DNAH1: variants seen among roughly 807,000 people sequenced by gnomAD.
The protein encoded by DNAH1 is axonemal beta dynein heavy chain 1.
In DNAH1, 327 loss-of-function variants were observed where a neutral mutation model predicts 484.3. The observed-to-expected ratio is 0.68, with a 90% confidence interval of 0.62 to 0.74. The LOEUF (loss-of-function observed/expected upper bound fraction) is 0.74, where lower values mean the gene tolerates loss of function less well. DNAH1 is among the 30% of genes least tolerant of loss of function. The probability of loss-of-function intolerance (pLI) is 0.00; values close to 1 mark genes in which losing one functional copy is unlikely to be tolerated. For synonymous variants in DNAH1, 2,192 were observed against 2,191.9 expected, an observed-to-expected ratio of 1.00 and a Z score of 0.00; for missense variants, 5,052 against 5,546.8, an observed-to-expected ratio of 0.91 and a Z score of 2.83.
chr3:52,377,687 C>T (rs533719842), intron 46 of DNAH1, among the ~76,000 whole-genome samples: 1 of 152,234 alleles, frequency 6.6e-6, no homozygotes, highest in East Asian at 1.9e-4. Flanking sequence ...TTTGCCCTTG[C>T]TGTCCCCTCT....
chr3:52,354,353 G>A (rs568595656), intron 20 of DNAH1, among the ~76,000 whole-genome samples: 1 of 152,312 alleles, frequency 6.6e-6, no homozygotes, highest in African/African-American at 2.4e-5. Flanking sequence ...AGTGAACTGG[G>A]CTGAACACAG....
chr3:52,368,994 T>C lies in DNAH1; in HGVS notation c.5943+76T>C. ...GGAGGCTGCATCATGCTGGCCAAACTCTGCCCCCTCACCCCTTTCTCTCAG... is the reference window on the plus strand; with the variant it reads ...GGAGGCTGCATCATGCTGGCCAAACCCTGCCCCCTCACCCCTTTCTCTCAG... On this transcript the variant is annotated intron_variant, in intron 37 of 77. Coordinates refer to ENST00000420323, the MANE Select transcript of DNAH1 (RefSeq NM_015512.5). This position sits in a 1 kb window ranked among gnomAD's most constrained non-coding sequence, Gnocchi z 4.4. 6.5e-7 allele frequency: 1 copy of C among 1,530,898 alleles called. No homozygotes were observed. The highest frequency in any genetic ancestry group is 9.0e-7 in the Non-Finnish European group (1 of 1,116,318). The allele number at this position is 1,530,898 out of a possible 1,614,324, so 94.8% of individuals were successfully genotyped here. A position where few individuals can be genotyped will look rare whatever the true frequency, so the allele number is the denominator to read the frequency against.
chr3:52,341,714 A>G (rs999019410), intron 8 of DNAH1, among the ~76,000 whole-genome samples: 3 of 151,932 alleles, frequency 2.0e-5, no homozygotes, highest in Non-Finnish European at 4.4e-5. Flanking sequence ...CTCCACCACG[A>G]CTGGCTTGGA....
chr3:52,333,126 A>G (rs1055602543), intron 8 of DNAH1, among the ~76,000 whole-genome samples: 1 of 152,080 alleles, frequency 6.6e-6, no homozygotes, highest in African/African-American at 2.4e-5. Context: ...GCTCAAGTAA[A>G]TCTCCCACCT....
chr3:52,369,853 A>G lies in DNAH1; in HGVS notation c.5972A>G (p.Asp1991Gly). Residue 1991 changes from aspartate to glycine, a missense_variant, in exon 38 of 78, where the codon GAC (aspartate) becomes GGC (glycine). Asp to Gly is a moderately conservative substitution (Grantham distance 94). This residue lies in a region of DNAH1 where 2,929 missense variants were observed against 3,409.4 expected (regional missense o/e 0.86). Coordinates refer to ENST00000420323, the MANE Select transcript of DNAH1 (RefSeq NM_015512.5). ...ATGACCATGATGTTCGAGGTGCAAG[A>G]CCTGGCGGTGGCTTCACCAGCTACA... ...EAMTMMFEVQ[D>G]LAVASPATVS... 6.2e-7 allele frequency: 1 copy of G among 1,612,394 alleles called. No individual in the cohort carries two copies. Among genetic ancestry groups the G allele is most frequent in the Non-Finnish European group, 8.5e-7 (1 of 1,178,750 alleles).
Position 52,388,380 on chromosome 3 carries a change from G to T in DNAH1, c.9172-38G>T. 2.0e-5 allele frequency: 32 copies of T among 1,601,968 alleles called. 1 individual carries two copies. The highest frequency in any genetic ancestry group is 2.6e-5 in the Non-Finnish European group (30 of 1,173,828). On this transcript the variant is annotated intron_variant, in intron 57 of 77. Coordinates refer to ENST00000420323, the MANE Select transcript of DNAH1 (RefSeq NM_015512.5). ...GTGGGGGAGGGCTCCCCTCCCGGGG[G>T]TACTTGGCGAGCTAATCCTGCGCCC...
intron 48 of DNAH1, among the ~76,000 whole-genome samples, chr3:52,380,861 G>A (rs914321229): frequency 3.3e-5 from 5 of 152,222 alleles, no homozygotes; most frequent in Non-Finnish European, 1.5e-5. Flanking sequence ...GATTGGGCTG[G>A]TTGAGATTCC....
rs750047092 is a variant in DNAH1, at chr3:52,356,714, A to G, written c.3794A>G (p.Lys1265Arg). ...AACCAGCAGCTGCCTGTGGAGAGCAAGCGCTACCAGACCATGGAGCGGATC... is the reference window on the plus strand; with the variant it reads ...AACCAGCAGCTGCCTGTGGAGAGCAGGCGCTACCAGACCATGGAGCGGATC... ...DINQQLPVES[K>R]RYQTMERIWK... The change falls in exon 22 of 78, where the codon AAG (lysine) becomes AGG (arginine). Residue 1265 changes from lysine (K) to arginine (R), a missense_variant. Physicochemically the swap from Lys to Arg is conservative, Grantham distance 26. This residue lies in a region of DNAH1 where 2,929 missense variants were observed against 3,409.4 expected (regional missense o/e 0.86). Transcript: ENST00000420323. The G allele has an allele frequency of 1.9e-6, 3 of 1,613,884 alleles. No homozygotes were observed. The highest frequency in any genetic ancestry group is 2.5e-6 in the Non-Finnish European group (3 of 1,179,860).
At chr3:52,332,054 GC>G in intron 7 of DNAH1, 87 bp from the exon 8 acceptor site, 1 of 1,470,480 alleles carries the variant, frequency 6.8e-7, no homozygotes, top group Non-Finnish European at 9.1e-7. Flanking sequence ...GGGCCACTGG[GC>G]ATCCACGGCA....
In DNAH1 at chr3:52,361,129, G is replaced by A; in HGVS notation, c.4686-35G>A. 1 of 1,497,586 alleles carries A rather than the reference G, an allele frequency of 6.7e-7. No homozygotes were observed. 92.8% of individuals were successfully genotyped at this position (1,497,586 alleles called of 1,614,324 possible). A position where few individuals can be genotyped will look rare whatever the true frequency, so the allele number is the denominator to read the frequency against. On this transcript the variant is annotated intron_variant, in intron 28 of 77. Coordinates refer to ENST00000420323, the MANE Select transcript of DNAH1 (RefSeq NM_015512.5). This position sits in a 1 kb window ranked among gnomAD's most constrained non-coding sequence, Gnocchi z 5.6. Reference sequence around the variant, plus strand: ...AGGAAAGGGGGAGTGTCCAGGCCATGTGCGGCCCGAGCCCACCTCCTCTGT... The same window carrying A: ...AGGAAAGGGGGAGTGTCCAGGCCATATGCGGCCCGAGCCCACCTCCTCTGT...
At chr3:52,378,817 C>T in intron 47 of DNAH1, 37 bp downstream of exon 47, 1 of 1,610,582 alleles carries the variant, frequency 6.2e-7, no homozygotes, top group Non-Finnish European at 8.5e-7. Flanking sequence ...AGTGCCCACA[C>T]TGCTCTCCGC....
rs1022409358 is a variant in DNAH1, at chr3:52,355,123, C to G, written c.3693+68C>G. The G allele has an allele frequency of 8.0e-6, 12 of 1,492,624 alleles. No individual in the cohort carries two copies. Among genetic ancestry groups the G allele is most frequent in the Non-Finnish European group, 1.1e-5 (12 of 1,081,200 alleles). 92.5% of individuals were successfully genotyped at this position (1,492,624 alleles called of 1,614,324 possible). ...CAGAGAGCCCGACCCACAGGTGTCA[C>G]TGATGGTCTCCGGGTGGGGTTCAAA... On this transcript the variant is annotated intron_variant, in intron 21 of 77. Coordinates refer to ENST00000420323, the MANE Select transcript of DNAH1 (RefSeq NM_015512.5). The surrounding 1 kb of genome is among the most constrained non-coding windows in gnomAD (Gnocchi z 4.5).
In DNAH1 at chr3:52,388,401, C is replaced by T. The variant is rs768021282; in HGVS notation, c.9172-17C>T. ...GGGGGTACTTGGCGAGCTAATCCTGCGCCCTCCGCCCCACAGCAAGCCCTG... is the reference window on the plus strand; with the variant it reads ...GGGGGTACTTGGCGAGCTAATCCTGTGCCCTCCGCCCCACAGCAAGCCCTG... On this transcript the variant is annotated splice_polypyrimidine_tract_variant and intron_variant, in intron 57 of 77. Transcript: ENST00000420323. 13 of 1,605,906 alleles carry T rather than the reference C, an allele frequency of 8.1e-6. No individual in the cohort carries two copies. The East Asian group carries it at 1.3e-4, about 17-fold the overall frequency.
At chr3:52,398,776 C>T in intron 75 of DNAH1, 74 bp from the exon 76 acceptor site, 2 of 1,287,576 alleles carry the variant, frequency 1.6e-6, no homozygotes, top group Non-Finnish European at 1.0e-6. Context: ...CACTCTGTGG[C>T]CTTGAGCTGC....
chr3:52,357,923 C>T lies in DNAH1; in HGVS notation c.4006C>T (p.Leu1336=), dbSNP rs539657571. The change falls in exon 24 of 78, where the codon CTA becomes TTA. Residue 1336 remains leucine (L), a synonymous_variant. Transcript: ENST00000420323. The part of the protein sequence containing the change: ...PRFYFLSDDE[L]LEILSQTKDP... ...ATTCTACTTCCTGTCAGATGATGAACTACTAGAGATCTTGTCGCAGACAAA... is the reference window on the plus strand; with the variant it reads ...ATTCTACTTCCTGTCAGATGATGAATTACTAGAGATCTTGTCGCAGACAAA... The T allele has an allele frequency of 1.4e-5, 23 of 1,613,142 alleles. No homozygotes were observed. The highest frequency in any genetic ancestry group is 1.9e-5 in the Non-Finnish European group (22 of 1,179,722).
At chr3:52,312,307 C>T (rs147609706), upstream of DNAH1, among the ~76,000 whole-genome samples, 380 of 152,088 alleles carry the variant, frequency 2.5e-3, 1 homozygote, top group Non-Finnish European at 4.1e-3. Context: ...AGAGAACAGA[C>T]GGGGGTATCT....
Position 52,391,434 on chromosome 3 carries a change from C to T in DNAH1, c.9892-9C>T. ...AGGCCACAGTACCCACCGGTCCCAC[C>T]CACCACAGACGTACAAGCAGCAGGG... On this transcript the variant is annotated splice_polypyrimidine_tract_variant and intron_variant, in intron 62 of 77. Coordinates refer to ENST00000420323, the MANE Select transcript of DNAH1 (RefSeq NM_015512.5). 1 of 1,606,802 alleles carries T rather than the reference C, an allele frequency of 6.2e-7. No individual in the cohort carries two copies. The highest frequency in any genetic ancestry group is 1.1e-5 in the South Asian group (1 of 90,090).
At chr3:52,333,140 C>T (rs1303801257) in intron 8 of DNAH1, among the ~76,000 whole-genome samples, 1 of 152,204 alleles carries the variant, frequency 6.6e-6, no homozygotes, top group Non-Finnish European at 1.5e-5. Context: ...CCCACCTTGG[C>T]TTCCCAAAGT....
At position 52,344,565 on chromosome 3, in the gene DNAH1, T is replaced by G. The variant is rs764278534; in HGVS notation, c.1362T>G (p.Phe454Leu). Reference sequence around the variant, plus strand: ...AGCGCAGCATGAACAAGATCAACTTTGACCACGTTGTCTCTTCCAAGCCCG... The same window carrying G: ...AGCGCAGCATGAACAAGATCAACTTGGACCACGTTGTCTCTTCCAAGCCCG... ...DYERSMNKIN[F>L]DHVVSSKPET... Residue 454 changes from phenylalanine to leucine, a missense_variant, in exon 9 of 78, where the codon TTT (phenylalanine) becomes TTG (leucine). Phe to Leu is a conservative substitution (Grantham distance 22). Transcript: ENST00000420323. 1.2e-6 allele frequency: 2 copies of G among 1,614,040 alleles called. No homozygotes were observed. The highest frequency in any genetic ancestry group is 3.3e-5 in the Admixed American group (2 of 60,026).
Sources: allele counts gnomAD v4.1 joint callset (sites outside exome capture counted in the v4.1 genomes callset), GRCh38; gene constraint gnomAD v4.1.1; regional missense constraint gnomAD v4.1.1; non-coding constraint Gnocchi (gnomAD v3.1); transcripts MANE v1.5; gene names NCBI Gene and HGNC (gene_info 2026-07-23, HGNC 2026-07-21).